Variants in FAM53A observed in about 807,000 individuals in gnomAD.
The protein encoded by FAM53A is protein FAM53A.
In FAM53A, 28 loss-of-function variants were observed where a neutral mutation model predicts 26.6. The ratio of observed to expected loss-of-function variants is 1.05; its 90% CI spans 0.78 to 1.45. FAM53A has a LOEUF of 1.45. FAM53A is among the 40% of genes most tolerant of loss of function. The pLI is 0.00. For missense variants in FAM53A, 650 were observed against 575.8 expected, an observed-to-expected ratio of 1.13 and a Z score of -1.32; for synonymous variants, 290 against 253.1, an observed-to-expected ratio of 1.15 and a Z score of -1.38.
At chr4:1,656,414 C>A (rs1192627467) in intron 3 of FAM53A, among the ~76,000 whole-genome samples, 1 of 152,198 alleles carries the variant, frequency 6.6e-6, no homozygotes, top group Non-Finnish European at 1.5e-5. Context: ...AGTCACTGTC[C>A]AGCTGAGGAA....
chr4:1,638,214 G>A (rs1715933703), downstream of FAM53A, among the ~76,000 whole-genome samples: 1 of 152,064 alleles, frequency 6.6e-6, no homozygotes, highest in African/African-American at 2.4e-5. Context: ...CCCCATTCCA[G>A]GAAACACGCA....
At chr4:1,666,965 TA>T (rs1471916859) in intron 2 of FAM53A, among the ~76,000 whole-genome samples, 2 of 152,096 alleles carry the variant, frequency 1.3e-5, no homozygotes, top group African/African-American at 4.8e-5. Flanking sequence ...CTGTCTCTAC[TA>T]AAAATACAAA....
the FAM53A span, among the ~76,000 whole-genome samples, chr4:1,596,990 C>T: frequency 2.0e-5 from 3 of 152,090 alleles, no homozygotes; most frequent in African/African-American, 4.8e-5. Flanking sequence ...TCGGGGCCTC[C>T]CTCCAGCATC....
At chr4:1,683,004 G>A (rs1282217791) in intron 1 of FAM53A, among the ~76,000 whole-genome samples, 1 of 152,154 alleles carries the variant, frequency 6.6e-6, no homozygotes, top group Non-Finnish European at 1.5e-5. Flanking sequence ...TAAGTTCACG[G>A]GACAGCACGG....
At chr4:1,580,689 C>T in the FAM53A span, among the ~76,000 whole-genome samples, 1 of 146,970 alleles carries the variant, frequency 6.8e-6, no homozygotes, top group African/African-American at 2.5e-5. Flanking sequence ...GAGGACCCTG[C>T]CTCCCGCTCA....
rs577364983 is a variant in FAM53A, at chr4:1,618,363, C to T, written c.432-252G>A. ...GCCAGAATCCCAGGAAAACCAGGCC[C>T]GGACTGGAACACCAGTAACTGTTGG... On this transcript the variant is annotated intron_variant, in intron 1 of 1. Transcript: ENST00000489029. 1.4e-4 allele frequency among the ~76,000 whole-genome samples: 22 copies of T among 152,290 alleles called. No homozygotes were observed. The South Asian group carries it at 3.9e-3, about 27-fold the overall frequency.
At chr4:1,679,191 C>A (rs1249096090) in intron 1 of FAM53A, among the ~76,000 whole-genome samples, 1 of 152,046 alleles carries the variant, frequency 6.6e-6, no homozygotes, top group Non-Finnish European at 1.5e-5. Context: ...ACAACCCCAG[C>A]CTGGCCAACA....
chr4:1,584,208 C>T, the FAM53A span, among the ~76,000 whole-genome samples: 1 of 152,210 alleles, frequency 6.6e-6, no homozygotes, highest in Non-Finnish European at 1.5e-5. Flanking sequence ...CATTTTTCAT[C>T]TTATGATTTG....
chr4:1,682,120 C>T (rs1185667259), intron 1 of FAM53A, among the ~76,000 whole-genome samples: 1 of 152,200 alleles, frequency 6.6e-6, no homozygotes, highest in Non-Finnish European at 1.5e-5. Flanking sequence ...CTACATAACA[C>T]ATGTGAGAGT....
the FAM53A span, among the ~76,000 whole-genome samples, chr4:1,609,226 A>C: frequency 6.6e-6 from 1 of 151,916 alleles, no homozygotes; most frequent in African/African-American, 2.4e-5. Context: ...TCTCAGAAAC[A>C]GAGTCCGGGG....
chr4:1,615,074 G>A (rs1203120717), downstream of FAM53A, among the ~76,000 whole-genome samples: 1 of 103,564 alleles, frequency 9.7e-6, no homozygotes. Context: ...TGGGCACACA[G>A]AAGGCAGGAC....
At chr4:1,585,374 C>T in the FAM53A span, among the ~76,000 whole-genome samples, 1 of 150,300 alleles carries the variant, frequency 6.7e-6, no homozygotes, top group Non-Finnish European at 1.5e-5. Flanking sequence ...GCAACCTCTG[C>T]CTCCCAGGTT....
At chr4:1,681,847 C>T (rs1715461317) in intron 1 of FAM53A, among the ~76,000 whole-genome samples, 1 of 152,106 alleles carries the variant, frequency 6.6e-6, no homozygotes, top group Admixed American at 6.6e-5. Flanking sequence ...GTAACCACTC[C>T]ACTGGTGAGA....
the FAM53A span, among the ~76,000 whole-genome samples, chr4:1,574,857 G>T: frequency 6.6e-6 from 1 of 152,250 alleles, no homozygotes; most frequent in Non-Finnish European, 1.5e-5. Context: ...GGGCCTCCCC[G>T]GACGGACCGG....
In FAM53A at chr4:1,640,414, G is replaced by C. The variant is rs1711574856; in HGVS notation, c.*879C>G. On this transcript the variant is annotated 3_prime_UTR_variant, in exon 5 of 5. Coordinates refer to ENST00000308132, the MANE Select transcript of FAM53A (RefSeq NM_001174070.3). The stretch of plus-strand genomic sequence containing the variant: ...GTTTCCTAGCAACTAAAGCACACAA[G>C]GCGCCCTGCACAGCAGGCCTTTCGT... 3.7e-6 allele frequency: 1 copy of C among 270,866 alleles called. No individual in the cohort carries two copies. Among genetic ancestry groups the C allele is most frequent in the Admixed American group, 6.2e-5 (1 of 16,140 alleles). The allele number at this position is 270,866 out of a possible 1,614,324, so 16.8% of individuals were successfully genotyped here. A position where few individuals can be genotyped will look rare whatever the true frequency, so the allele number is the denominator to read the frequency against.
the FAM53A span, among the ~76,000 whole-genome samples, chr4:1,584,251 C>T: frequency 6.6e-6 from 1 of 151,942 alleles, no homozygotes; most frequent in East Asian, 1.9e-4. Context: ...AAATATTTTC[C>T]TATCCAAGGT....
chr4:1,657,068 C>G (rs1174551414), intron 3 of FAM53A, among the ~76,000 whole-genome samples: 1 of 152,246 alleles, frequency 6.6e-6, no homozygotes, highest in African/African-American at 2.4e-5. Flanking sequence ...GCTACAAGCC[C>G]TGCCAGCCAC....
At chr4:1,605,762 AC>A in the FAM53A span, among the ~76,000 whole-genome samples, 1 of 151,774 alleles carries the variant, frequency 6.6e-6, no homozygotes, top group African/African-American at 2.4e-5. The surrounding 1 kb of genome is among the most constrained non-coding windows in gnomAD (Gnocchi z 5.7). Flanking sequence ...CAGTTCTGAA[AC>A]CCTGGGGCGG....
chr4:1,667,267 C>A (rs28478377), intron 2 of FAM53A, among the ~76,000 whole-genome samples: 88,979 of 151,924 alleles, frequency 0.59, 27,625 homozygotes, highest in East Asian at 0.89. Flanking sequence ...CCACTACACT[C>A]CAGCATGGAT....
Sources: allele counts gnomAD v4.1 joint callset (sites outside exome capture counted in the v4.1 genomes callset), GRCh38; gene constraint gnomAD v4.1.1; non-coding constraint Gnocchi (gnomAD v3.1); transcripts MANE v1.5; gene names NCBI Gene and HGNC (gene_info 2026-07-23, HGNC 2026-07-21).